RAD54L2: variants seen among roughly 807,000 people sequenced by gnomAD.
RAD54L2 encodes the protein helicase ARIP4.
A neutral mutation model predicts 138.4 loss-of-function variants in RAD54L2; 27 were observed. That is an observed-to-expected ratio of 0.20 (90% confidence interval 0.14 to 0.27). RAD54L2 has a LOEUF of 0.27. RAD54L2 is among the 10% of genes least tolerant of loss of function. The pLI is 1.00. For missense variants in RAD54L2, 1,396 were observed against 1,890.2 expected (o/e 0.74, Z 4.85); for synonymous variants, 644 against 723.2 (o/e 0.89, Z 1.76).
chr3:51,573,377 G>A (rs1699385788), intron 2 of RAD54L2, among the ~76,000 whole-genome samples: 1 of 152,142 alleles, frequency 6.6e-6, no homozygotes, highest in South Asian at 2.1e-4. Context: ...TTAAAGGAAA[G>A]GAAGTTTGTT....
At chr3:51,582,766 C>CTTTTTTTTTTT (rs61245532) in intron 2 of RAD54L2, among the ~76,000 whole-genome samples, 20 of 147,234 alleles carry the variant, frequency 1.4e-4, no homozygotes, top group African/African-American at 4.8e-4. Flanking sequence ...CCAGGGAAGT[C>CTTTTTTTTTTT]TTTTTTTTTT....
chr3:51,637,562 A>T lies in RAD54L2; in HGVS notation c.1682+59A>T, dbSNP rs1701017922. On this transcript the variant is annotated intron_variant, in intron 11 of 22. Coordinates refer to ENST00000684192, the MANE Select transcript of RAD54L2 (RefSeq NM_015106.4). The surrounding 1 kb of genome is among the most constrained non-coding windows in gnomAD (Gnocchi z 5.9). ...TTCAGAGGGCCCTGTTGCCAAGGGC[A>T]TGCCAAACCTGTTATACAGGATAGG... 6.7e-7 allele frequency: 1 copy of T among 1,495,420 alleles called. No individual in the cohort carries two copies. Among genetic ancestry groups the T allele is most frequent in the South Asian group, 1.2e-5 (1 of 80,076 alleles). 92.6% of individuals were successfully genotyped at this position (1,495,420 alleles called of 1,614,324 possible). A position where few individuals can be genotyped will look rare whatever the true frequency, so the allele number is the denominator to read the frequency against.
chr3:51,572,916 G>A (rs1161970968), intron 2 of RAD54L2, among the ~76,000 whole-genome samples: 1 of 151,940 alleles, frequency 6.6e-6, no homozygotes, highest in East Asian at 1.9e-4. Flanking sequence ...GGAATTACAG[G>A]TATGAGCCAC....
At chr3:51,630,423 C>T (rs1559643445) in intron 6 of RAD54L2, 35 bp downstream of exon 6, 1 of 1,560,200 alleles carries the variant, frequency 6.4e-7, no homozygotes, top group Non-Finnish European at 8.8e-7. Context: ...TTTCTTCCGA[C>T]CTGGTGTTCA....
chr3:51,581,929 CTTTTT>C (rs200417357), intron 2 of RAD54L2, among the ~76,000 whole-genome samples: 1 of 142,196 alleles, frequency 7.0e-6, no homozygotes, highest in Non-Finnish European at 1.5e-5. Flanking sequence ...CTTCTCTTTT[CTTTTT>C]TTTTTTTTTG....
intron 19 of RAD54L2, among the ~76,000 whole-genome samples, chr3:51,650,204 G>C (rs1442226843): frequency 6.6e-6 from 1 of 152,126 alleles, no homozygotes; most frequent in Non-Finnish European, 1.5e-5. Context: ...ATTAGACAAT[G>C]GTAAAGGAAT....
At chr3:51,618,134 AT>A (rs58259844) in intron 3 of RAD54L2, among the ~76,000 whole-genome samples, 3,433 of 112,120 alleles carry the variant, frequency 0.031, 106 homozygotes, top group African/African-American at 0.094. Context: ...AATATTTTGT[AT>A]TTTTTTTTTT....
intron 15 of RAD54L2, among the ~76,000 whole-genome samples, chr3:51,643,300 T>G (rs947741411): frequency 6.6e-6 from 1 of 152,258 alleles, no homozygotes; most frequent in Non-Finnish European, 1.5e-5. Flanking sequence ...CCCAAACTGT[T>G]GGGATTACAG....
chr3:51,657,362 C>T (rs1394305520), intron 20 of RAD54L2, among the ~76,000 whole-genome samples: 1 of 152,194 alleles, frequency 6.6e-6, no homozygotes, highest in Non-Finnish European at 1.5e-5. Flanking sequence ...ATGACCAGCT[C>T]AGATTTCTGA....
chr3:51,541,430 C>G (rs547392928), intron 1 of RAD54L2, 159 bp from the exon 2 acceptor site: 37 of 152,288 alleles, frequency 2.4e-4, no homozygotes, highest in African/African-American at 8.2e-4. Flanking sequence ...AGACAAACCA[C>G]AGGTAAAACA....
rs1376023705 is a variant in RAD54L2 at position 51,645,241 on chromosome 3, T to G, written c.2656+12T>G. 1.9e-6 allele frequency: 3 copies of G among 1,600,374 alleles called. No homozygotes were observed. The East Asian group carries it at 6.7e-5, about 36-fold the overall frequency. On this transcript the variant is annotated intron_variant, in intron 17 of 22. Coordinates refer to ENST00000684192, the MANE Select transcript of RAD54L2 (RefSeq NM_015106.4). The surrounding 1 kb of genome is among the most constrained non-coding windows in gnomAD (Gnocchi z 6.1). The stretch of plus-strand genomic sequence containing the variant: ...GCAGGGCATGTCAGGTGGGCCATCT[T>G]CCAGACTTCGGAGAGGCACATCTAT...
At position 51,629,415 on chromosome 3, in the gene RAD54L2, G is replaced by A; in HGVS notation, c.423G>A (p.Glu141=). ...QEELERRKRL[E]QQRKDYAAPI... ...AGTTGGAAAGAAGGAAGCGCCTGGA[G>A]CAGCAGAGGAAAGATTATGCAGCCC... The change falls in exon 5 of 23, where the codon GAG becomes GAA. Residue 141 remains glutamate (E), a synonymous_variant. Transcript: ENST00000684192. The A allele has an allele frequency of 6.2e-7, 1 of 1,611,050 alleles. No homozygotes were observed. The highest frequency in any genetic ancestry group is 8.5e-7 in the Non-Finnish European group (1 of 1,178,720).
intron 3 of RAD54L2, among the ~76,000 whole-genome samples, chr3:51,608,795 C>G (rs1467321666): frequency 6.6e-6 from 1 of 152,010 alleles, no homozygotes; most frequent in Non-Finnish European, 1.5e-5. Flanking sequence ...AGCCTCGGCT[C>G]GGCATCAGAG....
chr3:51,562,074 C>T (rs1388342227), intron 2 of RAD54L2, among the ~76,000 whole-genome samples: 3 of 149,042 alleles, frequency 2.0e-5, no homozygotes, highest in African/African-American at 7.4e-5. Context: ...CTCACTCTGT[C>T]GCCCAGGCTG....
At chr3:51,608,026 C>T (rs1487615592) in intron 3 of RAD54L2, among the ~76,000 whole-genome samples, 6 of 149,780 alleles carry the variant, frequency 4.0e-5, no homozygotes, top group East Asian at 2.0e-4. Flanking sequence ...CCTCACTTCC[C>T]GGACAGGGCG....
At chr3:51,641,902 G>A (rs751065204) in intron 15 of RAD54L2, 35 bp downstream of exon 15, 2 of 1,430,378 alleles carry the variant, frequency 1.4e-6, no homozygotes, top group Non-Finnish European at 1.9e-6. Context: ...TGAAGCCTTG[G>A]CAAGGTCTGC....
In RAD54L2 at chr3:51,572,320, G is replaced by T. The variant is rs373472089; in HGVS notation, c.-54-18047G>T. ...ATACAAAAATTAGCCAGGCGTTGTG[G>T]TGGGCACCTGTAATCCCAGCTACTC... On this transcript the variant is annotated intron_variant, in intron 2 of 22. Transcript: ENST00000684192. Among the ~76,000 whole-genome samples the T allele has an allele frequency of 5.9e-5, 9 of 152,192 alleles. No homozygotes were observed. The East Asian group carries it at 1.6e-3, about 26-fold the overall frequency.
At chr3:51,629,184 C>T (rs1700771795) in intron 4 of RAD54L2, 150 bp from the exon 5 acceptor site, 2 of 791,306 alleles carry the variant, frequency 2.5e-6, no homozygotes, top group Non-Finnish European at 4.0e-6. Flanking sequence ...TTGAATGCTG[C>T]TCCTTGCATG....
intron 18 of RAD54L2, among the ~76,000 whole-genome samples, chr3:51,646,012 AAG>A (rs1201182858): frequency 1.3e-5 from 2 of 152,190 alleles, no homozygotes; most frequent in African/African-American, 4.8e-5. Context: ...TCTTAGCAGA[AAG>A]AGAGGGGGAA....
Sources: gnomAD v4.1 joint callset for allele counts (sites outside exome capture counted in the v4.1 genomes callset) on GRCh38, gnomAD v4.1.1 for gene constraint, Gnocchi (gnomAD v3.1) non-coding constraint, MANE v1.5 for transcripts, NCBI Gene and HGNC (gene_info 2026-07-23, HGNC 2026-07-21) for gene names.